The following ZC3H12B variants were observed in gnomAD, a reference collection of about 807,000 sequenced individuals.
The protein encoded by ZC3H12B is zinc finger CCCH-type containing 12B.
Under a neutral mutation model 43.9 loss-of-function variants are expected in ZC3H12B, and 7 were observed. That is an observed-to-expected ratio of 0.16 (90% CI 0.09 to 0.30). ZC3H12B has a LOEUF of 0.30. ZC3H12B is among the 10% of genes least tolerant of loss of function. ZC3H12B has a pLI of 1.00. For missense variants in ZC3H12B, 475 were observed against 670.2 expected (o/e 0.71, Z 3.22); for synonymous variants, 222 against 241.7 (o/e 0.92, Z 0.76).
At chrX:65,328,996 C>T in the ZC3H12B span, among the ~76,000 whole-genome samples, 1 of 110,295 alleles carries the variant, frequency 9.1e-6, no homozygotes, top group African/African-American at 3.3e-5. Flanking sequence ...GTGAATAGTG[C>T]TGCAATAAAC....
chrX:65,112,102 A>G, the ZC3H12B span, among the ~76,000 whole-genome samples: 1 of 112,388 alleles, frequency 8.9e-6, no homozygotes, highest in Admixed American at 9.4e-5. Flanking sequence ...AAATGACACG[A>G]AAGTAAAACT....
At chrX:65,207,277 C>G in the ZC3H12B span, among the ~76,000 whole-genome samples, 3 of 107,561 alleles carry the variant, frequency 2.8e-5, no homozygotes, top group Admixed American at 3.0e-4. Flanking sequence ...CACACACATA[C>G]ACACACCGTG....
chrX:65,413,830 A>G (rs1260953824), intron 3 of ZC3H12B, among the ~76,000 whole-genome samples: 4 of 112,332 alleles, frequency 3.6e-5, no homozygotes, highest in Non-Finnish European at 5.6e-5. Flanking sequence ...AAAAGGCATC[A>G]TTGTAAATTT....
At chrX:65,128,548 C>G in the ZC3H12B span, among the ~76,000 whole-genome samples, 127 of 111,748 alleles carry the variant, frequency 1.1e-3, no homozygotes, top group African/African-American at 3.9e-3. Flanking sequence ...GTGGATTATT[C>G]TAAATAAATA....
chrX:65,460,095 A>G (rs2067713931), intron 3 of ZC3H12B, among the ~76,000 whole-genome samples: 2 of 111,530 alleles, frequency 1.8e-5, no homozygotes, highest in African/African-American at 3.3e-5. Flanking sequence ...TCATGAGTGA[A>G]CTCCCATTCA....
chrX:65,057,223 GGTT>G, the ZC3H12B span, among the ~76,000 whole-genome samples: 1 of 111,654 alleles, frequency 9.0e-6, no homozygotes, highest in Non-Finnish European at 1.9e-5. Context: ...GGCTGGTACC[GGTT>G]GTTCCTTTCT....
chrX:65,362,646 C>G (rs780551704), upstream of ZC3H12B, among the ~76,000 whole-genome samples: 2 of 110,523 alleles, frequency 1.8e-5, no homozygotes, highest in South Asian at 3.9e-4. Flanking sequence ...ATTCCCATTA[C>G]TATCCCATTA....
the ZC3H12B span, among the ~76,000 whole-genome samples, chrX:65,346,255 C>T: frequency 4.0e-5 from 4 of 99,300 alleles, no homozygotes. Flanking sequence ...CAGAATGGTA[C>T]TAGTAAAAAA....
chrX:65,296,641 C>T, the ZC3H12B span, among the ~76,000 whole-genome samples: 1 of 110,750 alleles, frequency 9.0e-6, no homozygotes, highest in Non-Finnish European at 1.9e-5. Flanking sequence ...GAGAATCCTC[C>T]CTAAATCATT....
chrX:65,449,006 G>T (rs1271147600), intron 3 of ZC3H12B, among the ~76,000 whole-genome samples: 1 of 95,598 alleles, frequency 1.0e-5, no homozygotes, highest in Non-Finnish European at 2.1e-5. Context: ...AGGAAAGAAA[G>T]AAAGAAAGGA....
At chrX:65,316,248 T>A in the ZC3H12B span, among the ~76,000 whole-genome samples, 1 of 112,008 alleles carries the variant, frequency 8.9e-6, no homozygotes, top group East Asian at 2.8e-4. Context: ...TTGGAAAACA[T>A]GTTTGAGGAT....
chrX:65,420,899 C>T (rs185915627), intron 3 of ZC3H12B, among the ~76,000 whole-genome samples: 2 of 112,455 alleles, frequency 1.8e-5, no homozygotes, highest in Admixed American at 9.4e-5. Context: ...ACCTGATATT[C>T]AGCTATTGAT....
chrX:65,112,219 C>T, the ZC3H12B span, among the ~76,000 whole-genome samples: 1 of 111,784 alleles, frequency 8.9e-6, no homozygotes, highest in East Asian at 2.8e-4. Flanking sequence ...CCCTAACTGT[C>T]TTCAATTATA....
the ZC3H12B span, among the ~76,000 whole-genome samples, chrX:65,245,175 C>A: frequency 3.6e-5 from 4 of 111,720 alleles, no homozygotes; most frequent in African/African-American, 1.3e-4. Flanking sequence ...TACATACAAC[C>A]TCCCAAGACT....
At chrX:65,272,174 A>ACTG in the ZC3H12B span, 1 of 108,467 alleles carries the variant, frequency 9.2e-6, no homozygotes, top group African/African-American at 3.4e-5. Context: ...AGATCCCGCC[A>ACTG]CTGCACTCCA....
exon 5 of ZC3H12B, chrX:65,502,980 T>C: frequency 8.3e-7 from 1 of 1,211,554 alleles, no homozygotes. Context: ...CCAGTCATGG[T>C]ACGGAGCGTG....
At chrX:65,195,277 T>C in the ZC3H12B span, among the ~76,000 whole-genome samples, 1 of 111,606 alleles carries the variant, frequency 9.0e-6, no homozygotes, top group Non-Finnish European at 1.9e-5. Context: ...GTGGAGGTGA[T>C]TTTCTGTGGT....
chrX:65,130,183 T>C, the ZC3H12B span, among the ~76,000 whole-genome samples: 4 of 111,269 alleles, frequency 3.6e-5, no homozygotes, highest in African/African-American at 1.3e-4. Context: ...AAAAGACCAT[T>C]AGTCAGTTTT....
At chrX:65,092,791 G>A in the ZC3H12B span, among the ~76,000 whole-genome samples, 5 of 112,376 alleles carry the variant, frequency 4.4e-5, no homozygotes, top group African/African-American at 1.3e-4. Flanking sequence ...TTTGGAAAAT[G>A]TGCAGCCTGA....
Sources: allele counts gnomAD v4.1 joint callset (sites outside exome capture counted in the v4.1 genomes callset), GRCh38; gene constraint gnomAD v4.1.1; transcripts MANE v1.5; gene names NCBI Gene and HGNC (gene_info 2026-07-23, HGNC 2026-07-21).